Variants in KCNIP3 observed in about 807,000 individuals in gnomAD.
The protein encoded by KCNIP3 is calsenilin.
A neutral mutation model predicts 35.0 loss-of-function variants in KCNIP3; 28 were observed. That is an observed-to-expected ratio of 0.80 (90% confidence interval 0.59 to 1.10). The LOEUF (loss-of-function observed/expected upper bound fraction) is 1.10, where lower values mean the gene tolerates loss of function less well. Ranked by LOEUF, KCNIP3 falls within the 50% of genes least tolerant of loss-of-function variation. KCNIP3 has a pLI of 0.00. For missense variants in KCNIP3, 295 were observed against 338.4 expected (o/e 0.87, Z 1.01); for synonymous variants, 134 against 133.8 (o/e 1.00, Z -0.01).
At chr2:95,305,536 A>G (rs1391115066) in intron 1 of KCNIP3, among the ~76,000 whole-genome samples, 1 of 152,112 alleles carries the variant, frequency 6.6e-6, no homozygotes, top group Non-Finnish European at 1.5e-5. Flanking sequence ...ATTTTTTGCT[A>G]CAATTTTTAT....
chr2:95,347,056 G>C (rs755389434), intron 2 of KCNIP3: 2 of 1,611,832 alleles, frequency 1.2e-6, no homozygotes, highest in Non-Finnish European at 1.7e-6. Flanking sequence ...CGCCATGGCC[G>C]TGGTGGTGCT....
intron 2 of KCNIP3, among the ~76,000 whole-genome samples, chr2:95,334,370 G>A (rs1679006140): frequency 6.7e-6 from 1 of 150,272 alleles, no homozygotes; most frequent in African/African-American, 2.5e-5. Flanking sequence ...GGGTGGGCAG[G>A]GGTTAAGGAA....
At position 95,374,430 on chromosome 2, in the gene KCNIP3, C is replaced by G. The variant is rs117109173; in HGVS notation, c.306+10C>G. On this transcript the variant is annotated intron_variant, in intron 3 of 8. Transcript: ENST00000295225. ...CAGGGGCTTTAAGAATGTGAGTGTT[C>G]CCCATTCCCCCGGGAGAGGCCTTGG... 23,502 of 1,612,988 alleles carry G rather than the reference C, an allele frequency of 0.015. 2,637 individuals carry two copies. The Admixed American group carries it at 0.25, about 17-fold the overall frequency.
intron 2 of KCNIP3, among the ~76,000 whole-genome samples, chr2:95,350,177 C>A (rs1194715069): frequency 6.6e-6 from 1 of 152,170 alleles, no homozygotes; most frequent in African/African-American, 2.4e-5. Flanking sequence ...AGGCAGCATT[C>A]CTGATGTGCT....
intron 2 of KCNIP3, among the ~76,000 whole-genome samples, chr2:95,366,060 C>T (rs764662121): frequency 3.3e-5 from 5 of 152,022 alleles, no homozygotes; most frequent in African/African-American, 4.8e-5. Flanking sequence ...TAGCTCATGG[C>T]GGCCTTGAAC....
intron 2 of KCNIP3, among the ~76,000 whole-genome samples, chr2:95,320,725 T>C (rs1678573305): frequency 6.6e-6 from 1 of 152,194 alleles, no homozygotes; most frequent in African/African-American, 2.4e-5. Flanking sequence ...CAGACCCAAC[T>C]GGCCCTGCAT....
Position 95,381,717 on chromosome 2 carries a change from G to C in KCNIP3, c.555+14G>C, listed in dbSNP as rs750893351. On this transcript the variant is annotated intron_variant, in intron 6 of 8. Transcript: ENST00000295225. ...ATCACCAAAGAGGTAGTAGGGGGCT[G>C]GGGGCAGGGATTGTCCCCTCCTCCC... 6.4e-7 allele frequency: 1 copy of C among 1,569,912 alleles called. No homozygotes were observed. The highest frequency in any genetic ancestry group is 1.7e-5 in the Admixed American group (1 of 59,880).
intron 2 of KCNIP3, among the ~76,000 whole-genome samples, chr2:95,326,130 TAA>T (rs1179558110): frequency 6.6e-6 from 1 of 151,484 alleles, no homozygotes; most frequent in Admixed American, 6.6e-5. Context: ...CGCACACTTA[TAA>T]AGTCAGACAC....
chr2:95,370,349 G>T (rs2104295359), intron 2 of KCNIP3, among the ~76,000 whole-genome samples: 1 of 152,342 alleles, frequency 6.6e-6, no homozygotes, highest in South Asian at 2.1e-4. Context: ...TTTTGACTTT[G>T]TCATTGGGTC....
intron 2 of KCNIP3, chr2:95,347,163 G>A: frequency 6.6e-7 from 1 of 1,522,206 alleles, no homozygotes; most frequent in Non-Finnish European, 9.0e-7. Flanking sequence ...CTCCGCCGCA[G>A]ACCAGTGGTC....
chr2:95,303,781 G>A (rs547560984), intron 1 of KCNIP3, among the ~76,000 whole-genome samples: 78 of 152,342 alleles, frequency 5.1e-4, no homozygotes, highest in South Asian at 1.5e-3. Context: ...CAAGCCTGCC[G>A]GCTGGCAGGT....
intron 2 of KCNIP3, among the ~76,000 whole-genome samples, chr2:95,320,119 C>T (rs1253690102): frequency 6.6e-6 from 1 of 152,182 alleles, no homozygotes; most frequent in Non-Finnish European, 1.5e-5. Flanking sequence ...CTAGAGCTGG[C>T]TGGGTGTGGA....
intron 2 of KCNIP3, among the ~76,000 whole-genome samples, chr2:95,372,265 A>T (rs1324619595): frequency 6.6e-6 from 1 of 152,162 alleles, no homozygotes; most frequent in Admixed American, 6.5e-5. Flanking sequence ...TCCACGGCAC[A>T]GTTCTCCCCA....
chr2:95,344,277 G>C (rs1260130611), intron 2 of KCNIP3, among the ~76,000 whole-genome samples: 1 of 151,748 alleles, frequency 6.6e-6, no homozygotes, highest in African/African-American at 2.4e-5. Context: ...GGCGGGGTGG[G>C]GGGGGGCACA....
intron 8 of KCNIP3, 68 bp from the exon 9 acceptor site, chr2:95,383,934 T>C: frequency 1.4e-6 from 2 of 1,391,592 alleles, no homozygotes; most frequent in Non-Finnish European, 2.0e-6. Flanking sequence ...CTGGCGGGAA[T>C]CTGCTCAAGG....
intron 2 of KCNIP3, among the ~76,000 whole-genome samples, chr2:95,325,082 G>A (rs1465350306): frequency 1.3e-5 from 2 of 152,190 alleles, no homozygotes; most frequent in African/African-American, 2.4e-5. Context: ...CAGGGACAGC[G>A]TGAGGAGGGA....
chr2:95,350,315 A>G (rs903854002), intron 2 of KCNIP3, among the ~76,000 whole-genome samples: 2 of 152,148 alleles, frequency 1.3e-5, no homozygotes, highest in African/African-American at 4.8e-5. Flanking sequence ...GATACTGGGT[A>G]TCTCAGTTTC....
At chr2:95,383,124 TCCACCCACCC>T in intron 7 of KCNIP3, 98 bp from the exon 8 acceptor site, 1 of 289,106 alleles carries the variant, frequency 3.5e-6, no homozygotes, top group Non-Finnish European at 6.9e-6. Flanking sequence ...CACCCGCCCA[TCCACCCACCC>T]GCCCATCCAC....
intron 1 of KCNIP3, among the ~76,000 whole-genome samples, chr2:95,297,655 C>T (rs1207296949): frequency 1.4e-4 from 21 of 151,580 alleles, no homozygotes; most frequent in South Asian, 2.1e-4. Flanking sequence ...TCCTGGCTGG[C>T]GTTGGGGTGT....
Sources: gnomAD v4.1 joint callset for allele counts (sites outside exome capture counted in the v4.1 genomes callset) on GRCh38, gnomAD v4.1.1 for gene constraint, MANE v1.5 for transcripts, NCBI Gene and HGNC (gene_info 2026-07-23, HGNC 2026-07-21) for gene names.